The following SLC47A2 variants were observed in gnomAD, a reference collection of about 807,000 sequenced individuals.
The protein encoded by SLC47A2 is solute carrier family 47 member 2, also known as multidrug and toxin extrusion protein 2.
In SLC47A2, 52 loss-of-function variants were observed where a neutral mutation model predicts 67.7. The observed-to-expected ratio is 0.77, with a 90% CI of 0.61 to 0.97. SLC47A2 has a LOEUF of 0.97. Ranked by LOEUF, SLC47A2 falls within the 50% of genes least tolerant of loss-of-function variation. The pLI, the probability that SLC47A2 is intolerant of heterozygous loss-of-function variation, is 0.00. For synonymous variants in SLC47A2, 278 were observed against 292.9 expected, an observed-to-expected ratio of 0.95 and a Z score of 0.52; for missense variants, 676 against 712.3, an observed-to-expected ratio of 0.95 and a Z score of 0.58.
chr17:19,679,425 C>T (rs1481920578), intron 16 of SLC47A2, among the ~76,000 whole-genome samples: 2 of 152,216 alleles, frequency 1.3e-5, no homozygotes, highest in Non-Finnish European at 2.9e-5. Flanking sequence ...ATGACATGGA[C>T]ACTGGGCACA....
At chr17:19,692,876 TGATCCCAGCACTTTGGGA>T (rs1300665205) in intron 13 of SLC47A2, among the ~76,000 whole-genome samples, 2 of 152,208 alleles carry the variant, frequency 1.3e-5, no homozygotes, top group African/African-American at 4.8e-5. Context: ...CTCATGCTTC[TGATCCCAGCACTTTGGGA>T]GGCCGAGGCA....
intron 13 of SLC47A2, among the ~76,000 whole-genome samples, chr17:19,684,899 G>C (rs1383912902): frequency 6.6e-6 from 1 of 151,978 alleles, no homozygotes; most frequent in Non-Finnish European, 1.5e-5. Context: ...AGCCTGGACT[G>C]TACTGCCATG....
At chr17:19,705,368 C>G in intron 10 of SLC47A2, 68 bp downstream of exon 10, 1 of 1,506,896 alleles carries the variant, frequency 6.6e-7, no homozygotes, top group South Asian at 1.2e-5. Context: ...GACAGCCTGC[C>G]CCCCTCCTAT....
chr17:19,707,074 AC>A (rs2085959792), intron 8 of SLC47A2, among the ~76,000 whole-genome samples: 1 of 151,496 alleles, frequency 6.6e-6, no homozygotes, highest in Admixed American at 6.6e-5. Context: ...CCATCTGAAA[AC>A]CCCAGGCCTT....
At chr17:19,696,607 T>C (rs536915119) in intron 13 of SLC47A2, among the ~76,000 whole-genome samples, 5 of 152,320 alleles carry the variant, frequency 3.3e-5, no homozygotes, top group Non-Finnish European at 5.9e-5. Flanking sequence ...CAGATCCTTC[T>C]TTAGTGCCTT....
chr17:19,710,502 A>C (rs1195354431), intron 5 of SLC47A2, among the ~76,000 whole-genome samples: 1 of 151,814 alleles, frequency 6.6e-6, no homozygotes, highest in Non-Finnish European at 1.5e-5. Context: ...GCCCAGGCTG[A>C]AGTGCAGTGA....
chr17:19,706,833 G>A lies in SLC47A2; in HGVS notation c.728-72C>T, dbSNP rs865902727. The A allele has an allele frequency of 3.2e-6, 4 of 1,237,552 alleles. No homozygotes were observed. The Middle Eastern group carries it at 5.7e-4, about 178-fold the overall frequency. 76.7% of individuals were successfully genotyped at this position (1,237,552 alleles called of 1,614,324 possible). A position where few individuals can be genotyped will look rare whatever the true frequency, so the allele number is the denominator to read the frequency against. ...CCTCATTCCTGCTCCCCACTGCCAG[G>A]AGGCCCCTAAACCCCTTTGGCTCTT... is the stretch of plus-strand genomic sequence containing the variant. On this transcript the variant is annotated intron_variant, in intron 8 of 16. Transcript: ENST00000433844.
chr17:19,714,389 C>T (rs377157653), intron 3 of SLC47A2: 7 of 458,290 alleles, frequency 1.5e-5, no homozygotes, highest in Non-Finnish European at 2.8e-5. Flanking sequence ...CCTTGGCCTT[C>T]GACACATGCC....
rs545843641 is a variant in SLC47A2 at position 19,715,325 on chromosome 17, G to T, written c.124-108C>A. ...AGGGCCCCGCACCAGTGCCCCGAGA[G>T]GTCACCTACGCCTGGGGAAGCCAGG... On this transcript the variant is annotated intron_variant, in intron 1 of 16. Transcript: ENST00000433844. 4.0e-5 allele frequency: 37 copies of T among 924,836 alleles called. No individual in the cohort carries two copies. In the African/African-American group the frequency reaches 4.8e-4, roughly 12 times the overall value. The allele number at this position is 924,836 out of a possible 1,614,324, so 57.3% of individuals were successfully genotyped here.
intron 13 of SLC47A2, among the ~76,000 whole-genome samples, chr17:19,697,791 T>C (rs1395833690): frequency 1.3e-5 from 2 of 151,876 alleles, no homozygotes; most frequent in East Asian, 3.9e-4. Flanking sequence ...GATGGTATCT[T>C]GCCATGTCAC....
At chr17:19,714,113 A>C in intron 3 of SLC47A2, 140 bp from the exon 4 acceptor site, 1 of 1,170,506 alleles carries the variant, frequency 8.5e-7, no homozygotes, top group Non-Finnish European at 1.2e-6. Flanking sequence ...TGGCGCCCGC[A>C]GCCTGTAATG....
intron 13 of SLC47A2, among the ~76,000 whole-genome samples, chr17:19,687,875 T>C (rs1274464417): frequency 1.3e-5 from 2 of 152,176 alleles, no homozygotes; most frequent in South Asian, 2.1e-4. Context: ...CTCAGCCTTT[T>C]GGCTAAGATC....
At chr17:19,696,033 T>G (rs1323964157) in intron 13 of SLC47A2, among the ~76,000 whole-genome samples, 4 of 149,044 alleles carry the variant, frequency 2.7e-5, no homozygotes, top group African/African-American at 9.8e-5. Context: ...CAAAAGATGT[T>G]GAAATTCTAA....
intron 8 of SLC47A2, 60 bp from the exon 9 acceptor site, chr17:19,706,821 C>A: frequency 1.5e-6 from 2 of 1,354,726 alleles, no homozygotes; most frequent in South Asian, 1.2e-5. Context: ...CATTCCTGCT[C>A]CCCACTGCCA....
chr17:19,690,254 G>A (rs984419305), intron 13 of SLC47A2, among the ~76,000 whole-genome samples: 5 of 152,096 alleles, frequency 3.3e-5, no homozygotes, highest in African/African-American at 4.8e-5. Flanking sequence ...ATCTCTCACC[G>A]TATACAAAAA....
At chr17:19,711,052 G>A (rs2086080457) in intron 5 of SLC47A2, among the ~76,000 whole-genome samples, 1 of 151,688 alleles carries the variant, frequency 6.6e-6, no homozygotes, top group African/African-American at 2.4e-5. Context: ...CAGGTGATCT[G>A]CCTGCCTCAG....
chr17:19,705,279 G>T, intron 10 of SLC47A2, 157 bp downstream of exon 10: 1 of 645,848 alleles, frequency 1.5e-6, no homozygotes, highest in South Asian at 2.1e-5. Context: ...GAGTCCTGGC[G>T]TAAGCTGAGC....
At chr17:19,708,169 T>C in intron 7 of SLC47A2, 133 bp downstream of exon 7, 7 of 1,026,506 alleles carry the variant, frequency 6.8e-6, no homozygotes, top group Non-Finnish European at 9.8e-6. Context: ...ATCAGGCCCC[T>C]CCAACTCCCC....
chr17:19,681,306 A>T (rs148618921), intron 15 of SLC47A2, 61 bp downstream of exon 15: 3 of 1,381,740 alleles, frequency 2.2e-6, no homozygotes, highest in East Asian at 4.9e-5. Context: ...CTGAGTAGTC[A>T]CTCCACCTGC....
Sources: allele counts gnomAD v4.1 joint callset (sites outside exome capture counted in the v4.1 genomes callset), GRCh38; gene constraint gnomAD v4.1.1; transcripts MANE v1.5; gene names NCBI Gene and HGNC (gene_info 2026-07-23, HGNC 2026-07-21).